CCDC178: variants seen among roughly 807,000 people sequenced by gnomAD.
CCDC178 encodes the protein coiled-coil domain containing 178.
In CCDC178, 126 loss-of-function variants were observed where a neutral mutation model predicts 117.4. The observed-to-expected ratio is 1.07, with a 90% confidence interval of 0.93 to 1.24. The LOEUF (loss-of-function observed/expected upper bound fraction) is 1.24. Among genes scored for constraint, CCDC178 ranks in the 50% most tolerant of loss-of-function variants. The pLI is 0.00. For missense variants in CCDC178, 1,030 were observed against 986.9 expected (o/e 1.04, Z -0.59); for synonymous variants, 283 against 313.4 (o/e 0.90, Z 1.02).
At position 32,982,035 on chromosome 18, in the gene CCDC178, C is replaced by T. The variant is rs1286788600; in HGVS notation, c.2389-7354G>A. On this transcript the variant is annotated intron_variant, in intron 21 of 22. Transcript: ENST00000383096. ...TGTCAGCTTATACACGTGTCATATG[C>T]TAATGTGTTGAAATAATGACTAGTA... 5.3e-5 allele frequency among the ~76,000 whole-genome samples: 8 copies of T among 152,170 alleles called. No homozygotes were observed. The South Asian group carries it at 1.7e-3, about 32-fold the overall frequency.
intron 21 of CCDC178, among the ~76,000 whole-genome samples, chr18:33,024,423 T>C (rs1362693706): frequency 3.3e-5 from 5 of 152,012 alleles, no homozygotes; most frequent in African/African-American, 1.2e-4. Context: ...TCCAAATTTG[T>C]GCCTCCAAAT....
chr18:32,967,504 T>A (rs775588870), intron 22 of CCDC178, among the ~76,000 whole-genome samples: 1 of 151,550 alleles, frequency 6.6e-6, no homozygotes, highest in Non-Finnish European at 1.5e-5. Flanking sequence ...ATTCTTTTTT[T>A]TTTCCAGGAT....
chr18:32,980,457 G>C (rs1004472646), intron 21 of CCDC178, among the ~76,000 whole-genome samples: 1 of 150,980 alleles, frequency 6.6e-6, no homozygotes, highest in African/African-American at 2.4e-5. Context: ...TGTAGTCCCA[G>C]CTACTCGGGA....
At chr18:33,314,200 CAAAAA>C (rs869127341) in intron 11 of CCDC178, among the ~76,000 whole-genome samples, 50 of 62,418 alleles carry the variant, frequency 8.0e-4, no homozygotes, top group African/African-American at 3.2e-3. Context: ...GACTCCGTCT[CAAAAA>C]AAAAAAAAAA....
chr18:33,093,147 CAG>C (rs1195697863), intron 20 of CCDC178, among the ~76,000 whole-genome samples: 6 of 151,896 alleles, frequency 4.0e-5, no homozygotes, highest in African/African-American at 9.6e-5. Flanking sequence ...TGTGATTCAT[CAG>C]AGTTAGTCTG....
intron 6 of CCDC178, among the ~76,000 whole-genome samples, chr18:33,359,155 G>T (rs1195648987): frequency 6.6e-6 from 1 of 151,728 alleles, no homozygotes; most frequent in African/African-American, 2.4e-5. Flanking sequence ...AATGAATTGT[G>T]ATATAATTAT....
intron 22 of CCDC178, among the ~76,000 whole-genome samples, chr18:32,964,897 C>T (rs2054779754): frequency 6.6e-6 from 1 of 151,904 alleles, no homozygotes; most frequent in South Asian, 2.1e-4. Context: ...CTTTCCTGTC[C>T]TTTCATATGC....
At chr18:33,329,015 T>C (rs963653163) in intron 10 of CCDC178, among the ~76,000 whole-genome samples, 4 of 152,144 alleles carry the variant, frequency 2.6e-5, no homozygotes, top group African/African-American at 2.4e-5. Flanking sequence ...AAATCTTTCA[T>C]CTTCTTAAAA....
intron 22 of CCDC178, among the ~76,000 whole-genome samples, chr18:32,952,286 C>T (rs1165990222): frequency 6.6e-6 from 1 of 152,226 alleles, no homozygotes; most frequent in African/African-American, 2.4e-5. Context: ...AGGGCTCTGC[C>T]CCTGCAGCAA....
chr18:33,018,600 T>C (rs1384177476), intron 21 of CCDC178, among the ~76,000 whole-genome samples: 3 of 152,086 alleles, frequency 2.0e-5, no homozygotes, highest in African/African-American at 4.8e-5. Context: ...CTTTAAAGCA[T>C]TATGCCTTAA....
chr18:33,424,477 C>T (rs1215183294), intron 2 of CCDC178, among the ~76,000 whole-genome samples: 1 of 152,178 alleles, frequency 6.6e-6, no homozygotes, highest in Non-Finnish European at 1.5e-5. Flanking sequence ...CACACCTCCA[C>T]TTGTTATATA....
At chr18:32,982,678 C>A (rs773473290) in intron 21 of CCDC178, among the ~76,000 whole-genome samples, 47 of 152,210 alleles carry the variant, frequency 3.1e-4, no homozygotes, top group Non-Finnish European at 5.1e-4. Context: ...CCACATGCAA[C>A]ATGAAAACCC....
chr18:33,250,987 A>G (rs2059613825), intron 14 of CCDC178, among the ~76,000 whole-genome samples: 1 of 151,626 alleles, frequency 6.6e-6, no homozygotes, highest in African/African-American at 2.4e-5. Flanking sequence ...GAATAAGAAA[A>G]CAATAAAAAA....
chr18:33,073,033 A>G (rs937657443), intron 21 of CCDC178, among the ~76,000 whole-genome samples: 4 of 152,124 alleles, frequency 2.6e-5, no homozygotes, highest in African/African-American at 7.2e-5. Flanking sequence ...TGGGTATCCA[A>G]CATTTTTTCA....
chr18:33,353,191 G>A (rs1017073709), intron 7 of CCDC178, among the ~76,000 whole-genome samples: 2 of 151,868 alleles, frequency 1.3e-5, no homozygotes, highest in African/African-American at 4.8e-5. Flanking sequence ...TTGATTTAAA[G>A]CCTATTTTGT....
At chr18:33,066,962 C>T (rs1256157178) in intron 21 of CCDC178, among the ~76,000 whole-genome samples, 1 of 152,120 alleles carries the variant, frequency 6.6e-6, no homozygotes, top group Non-Finnish European at 1.5e-5. Context: ...AAAAAATCAA[C>T]AAGGAAACAT....
rs1359868835 is a variant in CCDC178 at position 33,326,627 on chromosome 18, G to T, written c.880-2994C>A. On this transcript the variant is annotated intron_variant, in intron 10 of 22. Coordinates refer to ENST00000383096, the MANE Select transcript of CCDC178 (RefSeq NM_001105528.4). ...GATTCCCAGAGTTGTTTACTCTAAAGGGGGCAACTCTTTACTTCCCACTCT... is the reference window on the plus strand; with the variant it reads ...GATTCCCAGAGTTGTTTACTCTAAATGGGGCAACTCTTTACTTCCCACTCT... 5.3e-5 allele frequency among the ~76,000 whole-genome samples: 8 copies of T among 152,124 alleles called. No individual in the cohort carries two copies. In the East Asian group the frequency reaches 1.5e-3, roughly 29 times the overall value.
chr18:33,213,301 A>G (rs371443359), intron 19 of CCDC178, among the ~76,000 whole-genome samples: 10 of 152,014 alleles, frequency 6.6e-5, no homozygotes, highest in African/African-American at 2.2e-4. Context: ...TTGAAAACAT[A>G]TCACTTTGTT....
chr18:33,315,611 C>G (rs2062404619), intron 11 of CCDC178, among the ~76,000 whole-genome samples: 1 of 152,150 alleles, frequency 6.6e-6, no homozygotes, highest in Admixed American at 6.5e-5. Context: ...CTACCTAAGA[C>G]TAGCTAGGGA....
Sources: allele counts gnomAD v4.1 joint callset (sites outside exome capture counted in the v4.1 genomes callset), GRCh38; gene constraint gnomAD v4.1.1; transcripts MANE v1.5; gene names NCBI Gene and HGNC (gene_info 2026-07-23, HGNC 2026-07-21).